AGAP3: variants seen among roughly 807,000 people sequenced by gnomAD.
AGAP3 encodes the protein arf-GAP with GTPase, ANK repeat and PH domain-containing protein 3.
A neutral mutation model predicts 96.9 loss-of-function variants in AGAP3; 24 were observed. The ratio of observed to expected loss-of-function variants is 0.25; its 90% CI spans 0.18 to 0.35. The LOEUF (loss-of-function observed/expected upper bound fraction) is 0.35. Among genes scored for constraint, AGAP3 ranks in the 10% least tolerant of loss-of-function variants. The pLI is 1.00. For missense variants in AGAP3, 876 were observed against 1,254.2 expected, an observed-to-expected ratio of 0.70 and a Z score of 4.55; for synonymous variants, 563 against 536.1, an observed-to-expected ratio of 1.05 and a Z score of -0.69.
In AGAP3 at chr7:151,118,277, G is replaced by A. The variant is rs780716574; in HGVS notation, c.774G>A (p.Leu258=). Residue 258 remains leucine, a synonymous_variant, in exon 6 of 18, where the codon CTG becomes CTA. Coordinates refer to ENST00000397238, the MANE Select transcript of AGAP3 (RefSeq NM_031946.7). The surrounding 1 kb of genome is among the most constrained non-coding windows in gnomAD (Gnocchi z 6.1). ...GAGCCCGCAAGCTCTCCACAGATCT[G>A]AAGCGGTGCACCTACTATGAGACGT... ...DSRARKLSTD[L]KRCTYYETCA... The A allele has an allele frequency of 6.2e-7, 1 of 1,613,814 alleles. No individual in the cohort carries two copies. The highest frequency in any genetic ancestry group is 8.5e-7 in the Non-Finnish European group (1 of 1,179,708).
At chr7:151,120,872 C>A (rs375351075) in intron 8 of AGAP3, 10 of 1,141,728 alleles carry the variant, frequency 8.8e-6, no homozygotes, top group Non-Finnish European at 1.1e-5. Context: ...CCTGCTGTCT[C>A]TCCACTCCCA....
intron 1 of AGAP3, among the ~76,000 whole-genome samples, chr7:151,111,791 C>T (rs533711834): frequency 2.9e-4 from 44 of 152,212 alleles, no homozygotes; most frequent in Admixed American, 5.9e-4. Flanking sequence ...GAGATTTCCT[C>T]TTAGTCCCCC....
Position 151,143,697 on chromosome 7 carries a change from CCA to C in AGAP3, c.2530-39_2530-38del. The stretch of plus-strand genomic sequence containing the variant: ...TCCCCTACAACCAATCTCTCTCCTC[CCA>C]TGTCTTGCCAACTGTCAACATGTGT... On this transcript the variant is annotated intron_variant, in intron 17 of 17. Transcript: ENST00000397238. This position sits in a 1 kb window ranked among gnomAD's most constrained non-coding sequence, Gnocchi z 5.9. The C allele has an allele frequency of 1.2e-6, 2 of 1,613,000 alleles. No individual in the cohort carries two copies. The highest frequency in any genetic ancestry group is 1.3e-5 in the African/African-American group (1 of 75,042).
chr7:151,117,985 G>T (rs1799678974), intron 5 of AGAP3: 2 of 889,038 alleles, frequency 2.2e-6, no homozygotes, highest in Non-Finnish European at 3.3e-6. Flanking sequence ...GCAGGTCTGT[G>T]TTTTTTTAGA....
chr7:151,112,278 T>G (rs1474176124), intron 1 of AGAP3: 1 of 151,992 alleles, frequency 6.6e-6, no homozygotes, highest in Non-Finnish European at 1.5e-5. Context: ...GGTTTGGGAG[T>G]TGACCCAGGT....
rs76004471 is a variant in AGAP3, at chr7:151,133,719, C to T, written c.1327-681C>T. ...TACCTCCCTCAGGTGGTGAAGATTACGCGAGGCTATACGTGGAATGTATAA... is the reference window on the plus strand; with the variant it reads ...TACCTCCCTCAGGTGGTGAAGATTATGCGAGGCTATACGTGGAATGTATAA... On this transcript the variant is annotated intron_variant, in intron 10 of 17. Transcript: ENST00000397238. The surrounding 1 kb of genome is among the most constrained non-coding windows in gnomAD (Gnocchi z 5.4). 0.034 allele frequency among the ~76,000 whole-genome samples: 5,131 copies of T among 152,260 alleles called. 105 individuals are homozygous for T. Among genetic ancestry groups the T allele is most frequent in the South Asian group, 0.077 (370 of 4,818 alleles).
Position 151,123,813 on chromosome 7 carries a change from T to C in AGAP3, c.1148T>C (p.Leu383Pro), listed in dbSNP as rs773906263. Residue 383 changes from leucine (L) to proline (P), a missense_variant, in exon 9 of 18, where the codon CTG (leucine) becomes CCG (proline). Physicochemically the swap from Leu to Pro is moderately conservative, Grantham distance 98 (BLOSUM62 -3). Coordinates refer to ENST00000397238, the MANE Select transcript of AGAP3 (RefSeq NM_031946.7). ...TTCCAGTCTCGGAAGGGTGCTGACC[T>C]GGACCGGGAGAAGAAGGCTGCCGAG... ...NIFTSRKGAD[L>P]DREKKAAECK... 1.2e-6 allele frequency: 2 copies of C among 1,613,068 alleles called. No homozygotes were observed. The highest frequency in any genetic ancestry group is 1.7e-6 in the Non-Finnish European group (2 of 1,179,952).
At chr7:151,099,860 G>A (rs975613603) in intron 1 of AGAP3, among the ~76,000 whole-genome samples, 1 of 152,208 alleles carries the variant, frequency 6.6e-6, no homozygotes, top group Non-Finnish European at 1.5e-5. Flanking sequence ...AGTAATATAT[G>A]TAATAGCAGA....
chr7:151,093,457 T>C (rs573786552), intron 1 of AGAP3, among the ~76,000 whole-genome samples: 3 of 152,342 alleles, frequency 2.0e-5, no homozygotes, highest in Admixed American at 2.0e-4. Flanking sequence ...ATGTATTTAA[T>C]TTAAATTTCA....
chr7:151,135,423 A>G (rs1800554907), intron 11 of AGAP3, among the ~76,000 whole-genome samples: 1 of 152,218 alleles, frequency 6.6e-6, no homozygotes, highest in Non-Finnish European at 1.5e-5. Context: ...TGTGCTTGTC[A>G]CAGTGAGGGG....
chr7:151,128,526 G>T (rs971411628), intron 9 of AGAP3, 54 bp from the exon 10 acceptor site: 3 of 1,489,548 alleles, frequency 2.0e-6, no homozygotes, highest in Non-Finnish European at 2.8e-6. Flanking sequence ...ACCTCCTCAT[G>T]CCCTATGACC....
intron 2 of AGAP3, 113 bp downstream of exon 2, chr7:151,116,964 G>C: frequency 1.4e-6 from 2 of 1,458,080 alleles, no homozygotes; most frequent in Non-Finnish European, 1.9e-6. Context: ...GCTCAGCTTG[G>C]CCCTCTCTGC....
At chr7:151,120,567 G>A (rs1563484225) in intron 8 of AGAP3, 1 of 1,220,838 alleles carries the variant, frequency 8.2e-7, no homozygotes, top group East Asian at 5.4e-5. Context: ...CGACACAGAG[G>A]GTTAGCTGGC....
rs368277036 is a variant in AGAP3, at chr7:151,142,171, G to A, written c.1968G>A (p.Leu656=). The change falls in exon 15 of 18, where the codon CTG becomes CTA. Residue 656 remains leucine (L), a synonymous_variant. Transcript: ENST00000397238. The surrounding 1 kb of genome is among the most constrained non-coding windows in gnomAD (Gnocchi z 7.5). ...GCRSAKDKTR[L]GNQNAALAVQ... ...CTCCTGCTGTGCGACAGACTCGACT[G>A]GGGAACCAGAACGCAGCTCTGGCTG... is the stretch of plus-strand genomic sequence containing the variant. The A allele has an allele frequency of 4.3e-6, 7 of 1,613,728 alleles. No individual in the cohort carries two copies. The African/African-American group carries it at 8.0e-5, about 18-fold the overall frequency.
chr7:151,103,317 A>G (rs546285450), intron 1 of AGAP3, among the ~76,000 whole-genome samples: 7 of 152,364 alleles, frequency 4.6e-5, no homozygotes, highest in Admixed American at 3.9e-4. Context: ...CTTTATGCAC[A>G]GGGAGAAAGA....
At chr7:151,119,341 C>T (rs35170576) in intron 7 of AGAP3, 19,772 of 157,862 alleles carry the variant, frequency 0.13, 2,719 homozygotes, top group African/African-American at 0.34. Context: ...GCCGTGCATG[C>T]TTCCCGAGTC....
intron 9 of AGAP3, among the ~76,000 whole-genome samples, chr7:151,126,165 G>A (rs1221741741): frequency 6.6e-6 from 1 of 152,156 alleles, no homozygotes; most frequent in Non-Finnish European, 1.5e-5. Context: ...CGTTGCCGAG[G>A]ACGGGGGCGT....
Position 151,142,307 on chromosome 7 carries a change from G to A in AGAP3, c.2050+54G>A, listed in dbSNP as rs1165748234. On this transcript the variant is annotated intron_variant, in intron 15 of 17. Coordinates refer to ENST00000397238, the MANE Select transcript of AGAP3 (RefSeq NM_031946.7). The surrounding 1 kb of genome is among the most constrained non-coding windows in gnomAD (Gnocchi z 7.5). Reference sequence around the variant, plus strand: ...CTGGGGATGGCCCAGGGAAAGCTTCGCAAGCATCAGGGAGCAGGGAAGAGG... The same window carrying A: ...CTGGGGATGGCCCAGGGAAAGCTTCACAAGCATCAGGGAGCAGGGAAGAGG... 1.1e-5 allele frequency: 18 copies of A among 1,603,574 alleles called. No homozygotes were observed. Among genetic ancestry groups the A allele is most frequent in the Admixed American group, 1.7e-5 (1 of 59,752 alleles).
intron 1 of AGAP3, among the ~76,000 whole-genome samples, chr7:151,091,507 G>C (rs185159025): frequency 4.5e-4 from 69 of 152,220 alleles, no homozygotes; most frequent in African/African-American, 1.7e-3. Flanking sequence ...GACAGGGAGC[G>C]AAGGGGCCAG....
Sources: allele counts gnomAD v4.1 joint callset (sites outside exome capture counted in the v4.1 genomes callset), GRCh38; gene constraint gnomAD v4.1.1; non-coding constraint Gnocchi (gnomAD v3.1); transcripts MANE v1.5; gene names NCBI Gene and HGNC (gene_info 2026-07-23, HGNC 2026-07-21).